Variants in DCPS observed in about 807,000 individuals in gnomAD.
DCPS encodes decapping enzyme, scavenger.
In DCPS, 27 loss-of-function variants were observed where a neutral mutation model predicts 34.7. That is an observed-to-expected ratio of 0.78 (90% CI 0.57 to 1.07). The LOEUF (loss-of-function observed/expected upper bound fraction) is 1.07, where lower values mean the gene tolerates loss of function less well. Among genes scored for constraint, DCPS ranks in the 50% least tolerant of loss-of-function variants. DCPS has a pLI of 0.00. For synonymous variants in DCPS, 185 were observed against 185.7 expected, an observed-to-expected ratio of 1.00 and a Z score of 0.03; for missense variants, 464 against 436.9, an observed-to-expected ratio of 1.06 and a Z score of -0.55.
rs1273943779 is a variant in DCPS, at chr11:126,338,652, C to T, written c.636+253C>T. Among the ~76,000 whole-genome samples, 1 of 152,162 alleles carries T rather than the reference C, an allele frequency of 6.6e-6. No individual in the cohort carries two copies. Among genetic ancestry groups the T allele is most frequent in the African/African-American group, 2.4e-5 (1 of 41,430 alleles). On this transcript the variant is annotated intron_variant, in intron 4 of 5. Transcript: ENST00000263579. This position sits in a 1 kb window ranked among gnomAD's most constrained non-coding sequence, Gnocchi z 5.4. ...AGGTAAAATGGGGTGATGTTTGTGC[C>T]CATGACTACATAGGCCATTCCTTAC...
chr11:126,340,918 G>A (rs950666467), intron 4 of DCPS: 1 of 152,012 alleles, frequency 6.6e-6, no homozygotes, highest in African/African-American at 2.4e-5. Context: ...TTTCTTGTAG[G>A]TTTAGTTCAT....
chr11:126,317,871 C>T (rs1164894924), intron 2 of DCPS, among the ~76,000 whole-genome samples: 1 of 152,194 alleles, frequency 6.6e-6, no homozygotes, highest in East Asian at 1.9e-4. Flanking sequence ...TCTTCCTGTT[C>T]ACACGGAGCT....
Position 126,338,462 on chromosome 11 carries a change from T to G in DCPS, c.636+63T>G. On this transcript the variant is annotated intron_variant, in intron 4 of 5. Coordinates refer to ENST00000263579, the MANE Select transcript of DCPS (RefSeq NM_014026.6). The surrounding 1 kb of genome is among the most constrained non-coding windows in gnomAD (Gnocchi z 5.4). Reference sequence around the variant, plus strand: ...ACCCTGCTGTAAGTGCTGGTCCTTCTGACTGCCCTCTTTCTCACGCTGGCC... The same window carrying G: ...ACCCTGCTGTAAGTGCTGGTCCTTCGGACTGCCCTCTTTCTCACGCTGGCC... The G allele has an allele frequency of 2.1e-6, 3 of 1,450,942 alleles. No homozygotes were observed. Among genetic ancestry groups the G allele is most frequent in the Non-Finnish European group, 1.9e-6 (2 of 1,032,184 alleles). 89.9% of individuals were successfully genotyped at this position (1,450,942 alleles called of 1,614,324 possible).
At chr11:126,340,391 A>G (rs1446877928) in intron 4 of DCPS, among the ~76,000 whole-genome samples, 1 of 151,526 alleles carries the variant, frequency 6.6e-6, no homozygotes, top group Non-Finnish European at 1.5e-5. Flanking sequence ...GTGTGATCTC[A>G]GCTCACTGCA....
chr11:126,314,718 T>C (rs1425840566), intron 2 of DCPS, among the ~76,000 whole-genome samples: 2 of 152,188 alleles, frequency 1.3e-5, no homozygotes, highest in East Asian at 1.9e-4. Context: ...GAGACTATTA[T>C]TCTAAGTGAA....
At position 126,345,547 on chromosome 11, in the gene DCPS, G is replaced by GCTCACCTT; in HGVS notation, c.950_957dup (p.Ala320SerfsTer87). ...ACCCTAGGCACTACCAGCAGCGCACGCTCACCTTCGCCCTCAGGGCTGACG... is the reference window on the plus strand; with the variant it reads ...ACCCTAGGCACTACCAGCAGCGCACGCTCACCTTCTCACCTTCGCCCTCAGGGCTGACG... On this transcript the variant is annotated frameshift_variant, in exon 6 of 6. Coordinates refer to ENST00000263579, the MANE Select transcript of DCPS (RefSeq NM_014026.6). LOFTEE classifies it high-confidence loss of function. This position sits in a 1 kb window ranked among gnomAD's most constrained non-coding sequence, Gnocchi z 7.4. 4 of 1,613,932 alleles carry GCTCACCTT rather than the reference G, an allele frequency of 2.5e-6. No homozygotes were observed. The highest frequency in any genetic ancestry group is 3.4e-6 in the Non-Finnish European group (4 of 1,180,038).
chr11:126,317,779 G>T (rs1951673194), intron 2 of DCPS, among the ~76,000 whole-genome samples: 2 of 152,212 alleles, frequency 1.3e-5, no homozygotes, highest in South Asian at 2.1e-4. Context: ...CTTTCTGTGT[G>T]TGGAGAAGTG....
Position 126,347,090 on chromosome 11 carries a change from T to C in DCPS, c.*1477T>C, listed in dbSNP as rs978764113. On this transcript the variant is annotated 3_prime_UTR_variant, in exon 6 of 6. Transcript: ENST00000263579. This position sits in a 1 kb window ranked among gnomAD's most constrained non-coding sequence, Gnocchi z 4.2. ...CAAGACTCCCTCTCAGAAAAAAAAA[T>C]TAAAAAAATAGAAACAGCCGGGGAG... 6.7e-6 allele frequency among the ~76,000 whole-genome samples: 1 copy of C among 150,058 alleles called. No homozygotes were observed. Among genetic ancestry groups the C allele is most frequent in the African/African-American group, 2.5e-5 (1 of 40,632 alleles).
At position 126,345,190 on chromosome 11, in the gene DCPS, G is replaced by T. The variant is rs1196157177; in HGVS notation, c.748-157G>T. On this transcript the variant is annotated intron_variant, in intron 5 of 5. Coordinates refer to ENST00000263579, the MANE Select transcript of DCPS (RefSeq NM_014026.6). This position sits in a 1 kb window ranked among gnomAD's most constrained non-coding sequence, Gnocchi z 7.4. ...TTTCCTAGACTAGAAGACAGAGGAA[G>T]CTGAAGCAGACAGCAGGTAGAGAGC... Among the ~76,000 whole-genome samples, 1 of 152,226 alleles carries T rather than the reference G, an allele frequency of 6.6e-6. No homozygotes were observed. The highest frequency in any genetic ancestry group is 1.5e-5 in the Non-Finnish European group (1 of 68,044).
At chr11:126,309,879 T>C (rs79152678) in intron 2 of DCPS, among the ~76,000 whole-genome samples, 22,066 of 152,150 alleles carry the variant, frequency 0.15, 1,858 homozygotes, top group African/African-American at 0.23. Context: ...CCATCTTCCT[T>C]CCCAACCCCT....
rs1951716119 is a variant in DCPS, at chr11:126,322,590, A to T, written c.377-8815A>T. On this transcript the variant is annotated intron_variant, in intron 2 of 5. Coordinates refer to ENST00000263579, the MANE Select transcript of DCPS (RefSeq NM_014026.6). The surrounding 1 kb of genome is among the most constrained non-coding windows in gnomAD (Gnocchi z 4.2). ...GCATTCAGATTTTCTTTCTATCCTA[A>T]AATTCCTTTTTTTTTTTTTTTGAGA... 6.8e-6 allele frequency among the ~76,000 whole-genome samples: 1 copy of T among 147,626 alleles called. No homozygotes were observed. The highest frequency in any genetic ancestry group is 6.8e-5 in the Admixed American group (1 of 14,708).
At chr11:126,343,150 C>A (rs956541155) in intron 4 of DCPS, among the ~76,000 whole-genome samples, 157 bp from the exon 5 acceptor site, 2 of 151,982 alleles carry the variant, frequency 1.3e-5, no homozygotes, top group African/African-American at 4.8e-5. Context: ...TTAAGACCAT[C>A]CCACACGCCC....
At chr11:126,304,387 T>G in intron 1 of DCPS, 106 bp downstream of exon 1, 5 of 1,310,970 alleles carry the variant, frequency 3.8e-6, no homozygotes, top group Admixed American at 4.0e-5. Context: ...TACCAATCAT[T>G]ATCACTCCGG....
In DCPS at chr11:126,345,329, C is replaced by G; in HGVS notation, c.748-18C>G. 1 of 1,613,080 alleles carries G rather than the reference C, an allele frequency of 6.2e-7. No homozygotes were observed. The highest frequency in any genetic ancestry group is 8.5e-7 in the Non-Finnish European group (1 of 1,179,756). On this transcript the variant is annotated intron_variant, in intron 5 of 5. Transcript: ENST00000263579. This position sits in a 1 kb window ranked among gnomAD's most constrained non-coding sequence, Gnocchi z 7.4. ...GGCAGCACGGTGACTCCTGACCTGC[C>G]TGCCCCTGTCTCATCAGGAGGCCAT...
rs1358460891 is a variant in DCPS, at chr11:126,319,586, G to C, written c.377-11819G>C. ...TGAGCAGTGTCATCTCTGCATGTCT[G>C]ACCACACCCCCTGTCTGGACCTCAC... On this transcript the variant is annotated intron_variant, in intron 2 of 5. Coordinates refer to ENST00000263579, the MANE Select transcript of DCPS (RefSeq NM_014026.6). The surrounding 1 kb of genome is among the most constrained non-coding windows in gnomAD (Gnocchi z 4.5). Among the ~76,000 whole-genome samples, 1 of 152,132 alleles carries C rather than the reference G, an allele frequency of 6.6e-6. No homozygotes were observed. The highest frequency in any genetic ancestry group is 1.5e-5 in the Non-Finnish European group (1 of 68,032).
At position 126,338,405 on chromosome 11, in the gene DCPS, G is replaced by C. The variant is rs774172241; in HGVS notation, c.636+6G>C. 7 of 1,613,776 alleles carry C rather than the reference G, an allele frequency of 4.3e-6. No homozygotes were observed. Among genetic ancestry groups the C allele is most frequent in the East Asian group, 2.2e-5 (1 of 44,900 alleles). On this transcript the variant is annotated splice_donor_region_variant and intron_variant, in intron 4 of 5. Coordinates refer to ENST00000263579, the MANE Select transcript of DCPS (RefSeq NM_014026.6). The surrounding 1 kb of genome is among the most constrained non-coding windows in gnomAD (Gnocchi z 5.4). ...TCAAGTGGAACCAACAGCAGGTAAA[G>C]GTTTCTGGCTGGAATGTCCTGATCT...
intron 1 of DCPS, among the ~76,000 whole-genome samples, chr11:126,305,011 C>T (rs1951551937): frequency 6.6e-6 from 1 of 152,176 alleles, no homozygotes; most frequent in Non-Finnish European, 1.5e-5. Flanking sequence ...AGGGGGTTCC[C>T]TAGAACTACT....
rs145173937 is a variant in DCPS at position 126,306,589 on chromosome 11, A to G, written c.221A>G (p.Asp74Gly). 5.4e-4 allele frequency: 862 copies of G among 1,609,214 alleles called. No individual in the cohort carries two copies. The highest frequency in any genetic ancestry group is 7.1e-4 in the Non-Finnish European group (834 of 1,176,632). Residue 74 changes from aspartate (D) to glycine (G), a missense_variant, in exon 2 of 6, where the codon GAT becomes GGT. Coordinates refer to ENST00000263579, the MANE Select transcript of DCPS (RefSeq NM_014026.6). ...CCACAGGTGAATGAGGCCTCTGGGG[A>G]TGGGGATGGAGAGGATGCCGTTGTG... is the stretch of plus-strand genomic sequence containing the variant. ...LHGKVNEASG[D>G]GDGEDAVVIL...
chr11:126,343,477 G>C, intron 5 of DCPS, 60 bp downstream of exon 5: 1 of 1,377,766 alleles, frequency 7.3e-7, no homozygotes. Context: ...ATTCCAGTGT[G>C]TTCCTGGGCC....
Sources: gnomAD v4.1 joint callset for allele counts (sites outside exome capture counted in the v4.1 genomes callset) on GRCh38, gnomAD v4.1.1 for gene constraint, Gnocchi (gnomAD v3.1) non-coding constraint, MANE v1.5 for transcripts, NCBI Gene and HGNC (gene_info 2026-07-23, HGNC 2026-07-21) for gene names.